The following CDK5RAP2 variants were observed in gnomAD, a reference collection of about 807,000 sequenced individuals.
CDK5RAP2 encodes the protein CDK5 regulatory subunit associated protein 2.
CDK5RAP2 carries 147 observed loss-of-function variants against 232.9 expected under a neutral mutation model. The ratio of observed to expected loss-of-function variants is 0.63; its 90% CI spans 0.55 to 0.72. The LOEUF (loss-of-function observed/expected upper bound fraction) is 0.72, where lower values mean the gene tolerates loss of function less well. Among genes scored for constraint, CDK5RAP2 ranks in the 30% least tolerant of loss-of-function variants. The pLI, the probability that CDK5RAP2 is intolerant of heterozygous loss-of-function variation, is 0.00. For synonymous variants in CDK5RAP2, 833 were observed against 833.7 expected (o/e 1.00, Z 0.01); for missense variants, 2,195 against 2,231.5 (o/e 0.98, Z 0.33).
At chr9:120,457,790 G>GT (rs1304041821) in intron 20 of CDK5RAP2, among the ~76,000 whole-genome samples, 3 of 152,006 alleles carry the variant, frequency 2.0e-5, no homozygotes, top group African/African-American at 7.3e-5. Context: ...TTTCTTAAAC[G>GT]TTTTTTTCTT....
chr9:120,579,803 C>T (rs1335625284), intron 1 of CDK5RAP2, 117 bp downstream of exon 1: 1 of 814,840 alleles, frequency 1.2e-6, no homozygotes, highest in Non-Finnish European at 2.1e-6. Flanking sequence ...GAACCCACCC[C>T]ACACACTGCC....
rs553978051 is a variant in CDK5RAP2 at position 120,409,540 on chromosome 9, T to C, written c.4415-224A>G. 3.3e-5 allele frequency among the ~76,000 whole-genome samples: 5 copies of C among 152,362 alleles called. No individual in the cohort carries two copies. In the East Asian group the frequency reaches 9.6e-4, roughly 29 times the overall value. ...TAAAATGGGCCTGTTTAATTTTCTA[T>C]TAAAGAACAGGCCATGCAAACCTAG... On this transcript the variant is annotated intron_variant, in intron 29 of 37. Coordinates refer to ENST00000349780, the MANE Select transcript of CDK5RAP2 (RefSeq NM_018249.6).
chr9:120,568,416 G>A (rs755483680), intron 2 of CDK5RAP2, 28 bp from the exon 3 acceptor site: 70 of 1,517,088 alleles, frequency 4.6e-5, no homozygotes, highest in Middle Eastern at 1.7e-4. Context: ...AGAGGAAAAC[G>A]TCACAGCATG....
intron 6 of CDK5RAP2, 78 bp from the exon 7 acceptor site, chr9:120,536,604 A>G (rs1318108490): frequency 3.8e-6 from 5 of 1,322,142 alleles, no homozygotes; most frequent in Non-Finnish European, 5.3e-6. Context: ...GGATTAAAAT[A>G]TAAATATTTA....
In CDK5RAP2 at chr9:120,534,979, G is replaced by C. The variant is rs567214275; in HGVS notation, c.662+1393C>G. ...GATGCCTGGAAAGGCCAGTACTCTG[G>C]GGGGAGGCTCAGTAGGAGGGCACTT... On this transcript the variant is annotated intron_variant, in intron 7 of 37. Transcript: ENST00000349780. 3.9e-5 allele frequency among the ~76,000 whole-genome samples: 6 copies of C among 152,180 alleles called. No individual in the cohort carries two copies. The South Asian group carries it at 1.0e-3, about 26-fold the overall frequency.
chr9:120,442,521 G>A (rs1331182461), intron 23 of CDK5RAP2, among the ~76,000 whole-genome samples: 4 of 152,166 alleles, frequency 2.6e-5, no homozygotes, highest in Admixed American at 6.5e-5. Context: ...ACAAAGTTCT[G>A]GAAGCACATT....
intron 10 of CDK5RAP2, among the ~76,000 whole-genome samples, chr9:120,525,989 C>T (rs376483470): frequency 6.6e-6 from 1 of 152,222 alleles, no homozygotes; most frequent in South Asian, 2.1e-4. Flanking sequence ...CTTAGCAACA[C>T]CCCCAGTTTC....
At chr9:120,486,140 T>A (rs2131608578) in intron 14 of CDK5RAP2, among the ~76,000 whole-genome samples, 1 of 152,246 alleles carries the variant, frequency 6.6e-6, no homozygotes, top group Non-Finnish European at 1.5e-5. Context: ...GGTCCCTCCC[T>A]AGGGACCTCC....
At chr9:120,489,932 C>G (rs139952559) in intron 13 of CDK5RAP2, among the ~76,000 whole-genome samples, 1 of 151,966 alleles carries the variant, frequency 6.6e-6, no homozygotes, top group Non-Finnish European at 1.5e-5. Flanking sequence ...CTCAGCCTCC[C>G]GAGTAGCTGG....
intron 11 of CDK5RAP2, among the ~76,000 whole-genome samples, chr9:120,519,388 T>C (rs2040516817): frequency 6.6e-6 from 1 of 151,982 alleles, no homozygotes; most frequent in Admixed American, 6.6e-5. Context: ...TTTGAAAATG[T>C]GAAAGTTGTC....
intron 12 of CDK5RAP2, among the ~76,000 whole-genome samples, chr9:120,506,843 G>A (rs2039839932): frequency 6.6e-6 from 1 of 152,196 alleles, no homozygotes; most frequent in African/African-American, 2.4e-5. Flanking sequence ...TCCATCTCAA[G>A]ATGCTGTGAA....
At position 120,414,424 on chromosome 9, in the gene CDK5RAP2, TC is replaced by T. The variant is rs113248986; in HGVS notation, c.4297+615del. Among the ~76,000 whole-genome samples, 295 of 152,270 alleles carry T rather than the reference TC, an allele frequency of 1.9e-3. 2 individuals carry two copies. The highest frequency in any genetic ancestry group is 6.2e-3 in the African/African-American group (257 of 41,524). ...AGGAAAGATGTCCAAGATTTACTGCTCCATGACAAATGGACAGAATCATGGA... is the reference window on the plus strand; with the variant it reads ...AGGAAAGATGTCCAAGATTTACTGCTCATGACAAATGGACAGAATCATGGA... On this transcript the variant is annotated intron_variant, in intron 28 of 37. Transcript: ENST00000349780.
At position 120,457,789 on chromosome 9, in the gene CDK5RAP2, C is replaced by T. The variant is rs144253325; in HGVS notation, c.2375+661G>A. On this transcript the variant is annotated intron_variant, in intron 20 of 37. Coordinates refer to ENST00000349780, the MANE Select transcript of CDK5RAP2 (RefSeq NM_018249.6). ...CCAAATGCCAGCCATTTTTCTTAAA[C>T]GTTTTTTTCTTATTCATCACAGCAA... 2.6e-3 allele frequency among the ~76,000 whole-genome samples: 391 copies of T among 152,226 alleles called. 4 individuals carry two copies. The highest frequency in any genetic ancestry group is 8.8e-3 in the African/African-American group (366 of 41,538).
At chr9:120,423,434 G>T (rs145922249) in intron 25 of CDK5RAP2, among the ~76,000 whole-genome samples, 1 of 152,250 alleles carries the variant, frequency 6.6e-6, no homozygotes, top group East Asian at 1.9e-4. Context: ...ACTAGGAAAA[G>T]GAGTACATGA....
At chr9:120,571,523 A>C (rs1222738000) in intron 2 of CDK5RAP2, among the ~76,000 whole-genome samples, 2 of 152,224 alleles carry the variant, frequency 1.3e-5, no homozygotes, top group African/African-American at 4.8e-5. Context: ...CTGTGGTCTA[A>C]CCAGCTATTT....
At chr9:120,525,149 T>C (rs2040843724) in intron 10 of CDK5RAP2, 71 bp from the exon 11 acceptor site, 1 of 1,126,680 alleles carries the variant, frequency 8.9e-7, no homozygotes, top group Admixed American at 1.8e-5. Flanking sequence ...CACATGCTTT[T>C]CCTGCTCAAT....
intron 21 of CDK5RAP2, among the ~76,000 whole-genome samples, chr9:120,448,719 C>T (rs2036332404): frequency 6.6e-6 from 1 of 152,220 alleles, no homozygotes; most frequent in African/African-American, 2.4e-5. Flanking sequence ...AATCACATGA[C>T]TATCCATTTA....
In CDK5RAP2 at chr9:120,448,015, A is replaced by G. The variant is rs750017546; in HGVS notation, c.2905T>C (p.Leu969=). ...TCCTTCAGCTCCCCCTGCAGCTCCA[A>G]GATCTGGCTCTGCAGCTGCGTCACC... is the stretch of plus-strand genomic sequence containing the variant. The part of the protein sequence containing the change: ...EVVTQLQSQI[L]ELQGELKEFK... The change falls in exon 22 of 38, where the codon TTG becomes CTG. Residue 969 remains leucine, a synonymous_variant. Coordinates refer to ENST00000349780, the MANE Select transcript of CDK5RAP2 (RefSeq NM_018249.6). The G allele has an allele frequency of 4.3e-6, 7 of 1,613,850 alleles. No individual in the cohort carries two copies. In the East Asian group the frequency reaches 1.6e-4, roughly 36 times the overall value.
intron 14 of CDK5RAP2, among the ~76,000 whole-genome samples, chr9:120,484,699 G>A (rs1208107770): frequency 1.3e-5 from 2 of 151,934 alleles, no homozygotes; most frequent in African/African-American, 2.4e-5. Context: ...ACTCCAGCCT[G>A]GGTAACAGAG....
Sources: gnomAD v4.1 joint callset for allele counts (sites outside exome capture counted in the v4.1 genomes callset) on GRCh38, gnomAD v4.1.1 for gene constraint, MANE v1.5 for transcripts, NCBI Gene and HGNC (gene_info 2026-07-23, HGNC 2026-07-21) for gene names.